FHIT: variants seen among roughly 807,000 people sequenced by gnomAD.
The protein encoded by FHIT is fragile histidine triad diadenosine triphosphatase.
A neutral mutation model predicts 17.9 loss-of-function variants in FHIT; 19 were observed. That is an observed-to-expected ratio of 1.06 (90% CI 0.74 to 1.56). The LOEUF (loss-of-function observed/expected upper bound fraction) is 1.56. FHIT is among the 40% of genes most tolerant of loss of function. The pLI is 0.00. For synonymous variants in FHIT, 81 were observed against 69.7 expected, an observed-to-expected ratio of 1.16 and a Z score of -0.81; for missense variants, 248 against 189.2, an observed-to-expected ratio of 1.31 and a Z score of -1.82.
rs2106877360 is a variant in FHIT, at chr3:60,843,682, C to T, written c.-110-21671G>A. Among the ~76,000 whole-genome samples, 2 of 143,984 alleles carry T rather than the reference C, an allele frequency of 1.4e-5. 1 individual carries two copies. The allele number at this position is 143,984 out of a possible 152,430, so 94.5% of individuals were successfully genotyped here. On this transcript the variant is annotated intron_variant, in intron 3 of 9. Transcript: ENST00000492590. ...CTGCTTCTCCAAATATAATTTCTTG[C>T]AAGCATAGTAAAAATCCTATACTTG...
chr3:61,015,622 T>C lies in FHIT; in HGVS notation c.-111+26425A>G, dbSNP rs1575841808. On this transcript the variant is annotated intron_variant, in intron 3 of 9. Transcript: ENST00000492590. ...GGAACTTGGTTCAGATTAGCAATTT[T>C]ATGCATTCAGCTGGATACAATGCAA... is the stretch of plus-strand genomic sequence containing the variant. Among the ~76,000 whole-genome samples, 7 of 152,308 alleles carry C rather than the reference T, an allele frequency of 4.6e-5. No homozygotes were observed. The East Asian group carries it at 1.4e-3, about 29-fold the overall frequency.
chr3:60,991,941 G>A lies in FHIT; in HGVS notation c.-111+50106C>T, dbSNP rs541789916. On this transcript the variant is annotated intron_variant, in intron 3 of 9. Coordinates refer to ENST00000492590, the MANE Select transcript of FHIT (RefSeq NM_002012.4). ...GTTTCCATCAGCATAGAGCATCTCT[G>A]TGCTCCAGGCCCTTGGACAAATGTC... 4.0e-4 allele frequency among the ~76,000 whole-genome samples: 61 copies of A among 152,274 alleles called. No homozygotes were observed. In the Middle Eastern group the frequency reaches 0.017, roughly 42 times the overall value.
At chr3:60,216,370 G>C (rs1703696984) in intron 5 of FHIT, among the ~76,000 whole-genome samples, 1 of 152,052 alleles carries the variant, frequency 6.6e-6, no homozygotes, top group South Asian at 2.1e-4. Context: ...ATACAGATAA[G>C]AGCTAAAACT....
At chr3:61,226,861 G>A (rs2039984123) in intron 1 of FHIT, among the ~76,000 whole-genome samples, 1 of 152,172 alleles carries the variant, frequency 6.6e-6, no homozygotes, top group Non-Finnish European at 1.5e-5. Context: ...CATGTGGTAT[G>A]AGCCAGACAC....
At chr3:61,006,677 C>T (rs1220994445) in intron 3 of FHIT, among the ~76,000 whole-genome samples, 1 of 150,164 alleles carries the variant, frequency 6.7e-6, no homozygotes, top group African/African-American at 2.5e-5. Flanking sequence ...ATATACATAA[C>T]ACATTTTCTC....
At chr3:61,004,446 T>C (rs1352924279) in intron 3 of FHIT, among the ~76,000 whole-genome samples, 2 of 152,180 alleles carry the variant, frequency 1.3e-5, no homozygotes, top group African/African-American at 4.8e-5. Context: ...GGACTATTTA[T>C]AAAACTTTGG....
chr3:61,200,559 A>G (rs1560065373), intron 2 of FHIT, 58 bp downstream of exon 2: 1 of 152,678 alleles, frequency 6.5e-6, no homozygotes, highest in Admixed American at 6.5e-5. Context: ...TCTGAATAAA[A>G]GAAAAATCAA....
intron 8 of FHIT, among the ~76,000 whole-genome samples, chr3:59,856,553 A>G (rs1049392983): frequency 2.0e-5 from 3 of 152,240 alleles, no homozygotes. Flanking sequence ...GATGCAGACC[A>G]TTCTTCTTAG....
intron 2 of FHIT, among the ~76,000 whole-genome samples, chr3:61,174,945 A>G (rs1024399172): frequency 1.3e-5 from 2 of 152,228 alleles, no homozygotes; most frequent in African/African-American, 4.8e-5. Flanking sequence ...GGTGAATGGC[A>G]TGCAATGATC....
chr3:60,370,754 A>T (rs1576552290), intron 5 of FHIT, among the ~76,000 whole-genome samples: 2 of 151,974 alleles, frequency 1.3e-5, no homozygotes, highest in South Asian at 4.2e-4. Flanking sequence ...AAAATCACTC[A>T]CTCTATTCCC....
chr3:61,156,707 A>G (rs1323182312), intron 2 of FHIT, among the ~76,000 whole-genome samples: 1 of 152,226 alleles, frequency 6.6e-6, no homozygotes, highest in Non-Finnish European at 1.5e-5. Flanking sequence ...TATAATCTAT[A>G]CTGTGTCCCA....
chr3:60,903,625 G>C (rs1294427352), intron 3 of FHIT, among the ~76,000 whole-genome samples: 4 of 152,150 alleles, frequency 2.6e-5, no homozygotes, highest in Admixed American at 2.6e-4. Flanking sequence ...AACTCATTAA[G>C]ATGTAGAATG....
intron 3 of FHIT, among the ~76,000 whole-genome samples, chr3:60,865,424 G>GA (rs1223724639): frequency 9.9e-5 from 15 of 152,042 alleles, no homozygotes; most frequent in African/African-American, 3.4e-4. Context: ...TATCTGTTGG[G>GA]AAAAAAATGA....
At chr3:60,427,604 T>C (rs1702720755) in intron 5 of FHIT, among the ~76,000 whole-genome samples, 1 of 152,178 alleles carries the variant, frequency 6.6e-6, no homozygotes, top group Non-Finnish European at 1.5e-5. Context: ...TGTTTTTTCT[T>C]GATCCAACAC....
intron 1 of FHIT, among the ~76,000 whole-genome samples, chr3:61,216,879 T>C (rs920755332): frequency 2.0e-5 from 3 of 151,122 alleles, no homozygotes; most frequent in African/African-American, 4.9e-5. Context: ...TCATTCTCAG[T>C]AAACTATCGC....
At chr3:61,081,861 C>T (rs2035148925) in intron 2 of FHIT, among the ~76,000 whole-genome samples, 2 of 152,314 alleles carry the variant, frequency 1.3e-5, no homozygotes, top group African/African-American at 4.8e-5. Flanking sequence ...TGGGGGCACA[C>T]AAGTAAACCT....
intron 5 of FHIT, among the ~76,000 whole-genome samples, chr3:60,520,644 C>T (rs191105324): frequency 3.3e-4 from 48 of 146,596 alleles, no homozygotes; most frequent in Middle Eastern, 7.4e-3. Context: ...AGATGCTTCA[C>T]TTTCAAAAAA....
chr3:60,565,375 C>A (rs944570837), intron 4 of FHIT, among the ~76,000 whole-genome samples: 4 of 152,140 alleles, frequency 2.6e-5, no homozygotes, highest in African/African-American at 9.7e-5. Context: ...TGACCCCTTG[C>A]TGGGCTGATC....
chr3:60,531,830 C>G (rs17668326), intron 5 of FHIT, among the ~76,000 whole-genome samples: 7,007 of 152,296 alleles, frequency 0.046, 224 homozygotes, highest in Middle Eastern at 0.11. Context: ...ACGGGGGAAA[C>G]TTAACATTGC....
Sources: gnomAD v4.1 joint callset for allele counts (sites outside exome capture counted in the v4.1 genomes callset) on GRCh38, gnomAD v4.1.1 for gene constraint, MANE v1.5 for transcripts, NCBI Gene and HGNC (gene_info 2026-07-23, HGNC 2026-07-21) for gene names.